Variants in TLE3 observed in about 807,000 individuals in gnomAD.
The protein encoded by TLE3 is TLE family member 3, transcriptional corepressor.
In TLE3, 14 loss-of-function variants were observed where a neutral mutation model predicts 93.0. The ratio of observed to expected loss-of-function variants is 0.15; its 90% confidence interval spans 0.10 to 0.24. TLE3 has a LOEUF of 0.24. Among genes scored for constraint, TLE3 ranks in the 10% least tolerant of loss-of-function variants. The pLI, the probability that TLE3 is intolerant of heterozygous loss-of-function variation, is 1.00. For synonymous variants in TLE3, 451 were observed against 425.0 expected, an observed-to-expected ratio of 1.06 and a Z score of -0.75; for missense variants, 693 against 1,046.6, an observed-to-expected ratio of 0.66 and a Z score of 4.66.
intron 4 of TLE3, among the ~76,000 whole-genome samples, chr15:70,078,291 A>G (rs1485012528): frequency 1.3e-5 from 2 of 152,214 alleles, no homozygotes; most frequent in Non-Finnish European, 2.9e-5. Flanking sequence ...TTCTAGAAAC[A>G]AGCATAGGCT....
intron 8 of TLE3, among the ~76,000 whole-genome samples, chr15:70,061,314 A>C (rs2056460612): frequency 6.6e-6 from 1 of 152,142 alleles, no homozygotes; most frequent in African/African-American, 2.4e-5. Flanking sequence ...CAGGGAAAGG[A>C]GCAAGGGCAG....
At chr15:70,083,477 T>A (rs2057886110) in intron 4 of TLE3, among the ~76,000 whole-genome samples, 1 of 151,344 alleles carries the variant, frequency 6.6e-6, no homozygotes, top group African/African-American at 2.4e-5. Flanking sequence ...AGATTATACC[T>A]TCCCCCAACA....
At chr15:70,065,294 T>C (rs1258147062) in intron 7 of TLE3, among the ~76,000 whole-genome samples, 1 of 152,206 alleles carries the variant, frequency 6.6e-6, no homozygotes, top group African/African-American at 2.4e-5. Context: ...AGCCAGGCTT[T>C]TCTCTTTTCT....
intron 4 of TLE3, among the ~76,000 whole-genome samples, chr15:70,089,056 C>T (rs1322100523): frequency 2.6e-5 from 4 of 152,220 alleles, no homozygotes; most frequent in African/African-American, 9.6e-5. Flanking sequence ...GTGCAGTCCC[C>T]GCCCCACATC....
At chr15:70,087,019 T>C (rs1416194414) in intron 4 of TLE3, among the ~76,000 whole-genome samples, 3 of 152,244 alleles carry the variant, frequency 2.0e-5, no homozygotes, top group African/African-American at 4.8e-5. Context: ...TACAGGCCTC[T>C]GTCAGAAAAC....
At chr15:70,069,961 T>C (rs1166342803) in intron 6 of TLE3, among the ~76,000 whole-genome samples, 2 of 152,266 alleles carry the variant, frequency 1.3e-5, no homozygotes, top group African/African-American at 2.4e-5. Context: ...AGTGGGAGGC[T>C]GATACTGTTT....
chr15:70,076,099 T>C lies in TLE3; in HGVS notation c.294A>G (p.Gln98=), dbSNP rs1245078201. The C allele has an allele frequency of 6.2e-7, 1 of 1,613,916 alleles. No homozygotes were observed. Among genetic ancestry groups the C allele is most frequent in the Admixed American group, 1.7e-5 (1 of 60,024 alleles). Residue 98 remains glutamine, a synonymous_variant, in exon 5 of 20, where the codon CAA becomes CAG. Transcript: ENST00000451782. ...ILAQIMPFLS[Q]EHQQQVAQAV... is the part of the protein sequence containing the mutation. ...AAATAATAAAAGAAGGTCTTACCTC[T>C]TGTGACAGGAAAGGCATGATCTGTG...
intron 19 of TLE3, chr15:70,050,601 G>A (rs1272342768): frequency 6.0e-6 from 1 of 165,440 alleles, no homozygotes; most frequent in African/African-American, 2.4e-5. Flanking sequence ...ACAGCCTGAT[G>A]AGTTAGGAAA....
chr15:70,056,028 C>T (rs1595871122), intron 14 of TLE3: 1 of 544,804 alleles, frequency 1.8e-6, no homozygotes, highest in Non-Finnish European at 3.3e-6. Context: ...AGTGTTCCTT[C>T]TCTCCCAGCC....
At chr15:70,056,217 AG>A in intron 14 of TLE3, 80 bp downstream of exon 14, 2 of 1,434,234 alleles carry the variant, frequency 1.4e-6, no homozygotes, top group Non-Finnish European at 2.0e-6. Context: ...TCAGGGGATG[AG>A]GGGCGTTGTT....
chr15:70,049,267 A>G lies in TLE3; in HGVS notation c.*830T>C, dbSNP rs1417725445. On this transcript the variant is annotated 3_prime_UTR_variant, in exon 20 of 20. Transcript: ENST00000451782. ...GGGCAAGAGGCAGCCAGAGTGCAAG[A>G]GACCACAGAAAGCTCCATTTCTGCG... The G allele has an allele frequency of 6.6e-6, 1 of 152,336 alleles. No homozygotes were observed. Among genetic ancestry groups the G allele is most frequent in the Non-Finnish European group, 1.5e-5 (1 of 68,108 alleles). 9.4% of individuals were successfully genotyped at this position (152,336 alleles called of 1,614,324 possible).
At chr15:70,091,350 A>G (rs1252977365) in intron 4 of TLE3, among the ~76,000 whole-genome samples, 1 of 152,218 alleles carries the variant, frequency 6.6e-6, no homozygotes, top group African/African-American at 2.4e-5. Context: ...CCTCAAATCC[A>G]ATGCATGGCA....
Position 70,054,662 on chromosome 15 carries a change from G to A in TLE3, c.1602C>T (p.Ser534=), listed in dbSNP as rs369550463. 16 of 1,602,646 alleles carry A rather than the reference G, an allele frequency of 1.0e-5. No individual in the cohort carries two copies. The East Asian group carries it at 1.6e-4, about 16-fold the overall frequency. Residue 534 remains serine, a synonymous_variant, in exon 16 of 20, where the codon TCC becomes TCT. Transcript: ENST00000451782. ...DCLNRDNYIR[S]CKLLPDGRTL... ...TGCGCCCATCAGGGAGCAGCTTGCA[G>A]GAGCGGATGTAATTGTCCCTGTTCT...
intron 17 of TLE3, 123 bp downstream of exon 17, chr15:70,053,104 G>T: frequency 7.8e-7 from 1 of 1,284,330 alleles, no homozygotes; most frequent in Non-Finnish European, 1.1e-6. Context: ...GGCTCAGGTT[G>T]GTCCCAAGTC....
intron 4 of TLE3, among the ~76,000 whole-genome samples, chr15:70,087,575 G>A (rs1244166106): frequency 6.6e-6 from 1 of 152,232 alleles, no homozygotes; most frequent in Non-Finnish European, 1.5e-5. Flanking sequence ...TTCACACAGT[G>A]GGTGATGGAA....
At chr15:70,064,397 T>G in intron 8 of TLE3, 57 bp downstream of exon 8, 3 of 1,607,646 alleles carry the variant, frequency 1.9e-6, no homozygotes, top group South Asian at 1.1e-5. Context: ...GAGCCCCGAG[T>G]CCCACCTCCT....
At position 70,095,648 on chromosome 15, in the gene TLE3, G is replaced by A. The variant is rs1393955585; in HGVS notation, c.126-7C>T. On this transcript the variant is annotated splice_polypyrimidine_tract_variant and splice_region_variant and intron_variant, in intron 2 of 19. Coordinates refer to ENST00000451782, the MANE Select transcript of TLE3 (RefSeq NM_001105192.3). ...GTCGTACTCCACTTTGAGGCTGCGA[G>A]GGCAGGAGGAGCCGGCTCAGGCGTG... 2 of 1,551,430 alleles carry A rather than the reference G, an allele frequency of 1.3e-6. No homozygotes were observed. Among genetic ancestry groups the A allele is most frequent in the East Asian group, 2.4e-5 (1 of 40,892 alleles).
At chr15:70,054,320 C>A in intron 16 of TLE3, 118 bp downstream of exon 16, 1 of 1,441,326 alleles carries the variant, frequency 6.9e-7, no homozygotes, top group Non-Finnish European at 9.3e-7. Flanking sequence ...CTCATCCCAA[C>A]GGTTCTGGCC....
intron 4 of TLE3, among the ~76,000 whole-genome samples, chr15:70,084,710 C>T (rs1396224434): frequency 6.6e-6 from 1 of 150,516 alleles, no homozygotes; most frequent in African/African-American, 2.4e-5. Context: ...GTGCTGCTAT[C>T]TGATGCGTGG....
Sources: gnomAD v4.1 joint callset for allele counts (sites outside exome capture counted in the v4.1 genomes callset) on GRCh38, gnomAD v4.1.1 for gene constraint, MANE v1.5 for transcripts, NCBI Gene and HGNC (gene_info 2026-07-23, HGNC 2026-07-21) for gene names.